The following SEC14L5 variants were observed in gnomAD, a reference collection of about 807,000 sequenced individuals.
SEC14L5 encodes SEC14 like lipid binding 5.
A neutral mutation model predicts 84.6 loss-of-function variants in SEC14L5; 96 were observed. The observed-to-expected ratio is 1.13, with a 90% CI of 0.96 to 1.34. The LOEUF (loss-of-function observed/expected upper bound fraction) is 1.34. Ranked by LOEUF, SEC14L5 falls within the 40% of genes most tolerant of loss-of-function variation. The pLI is 0.00. For synonymous variants in SEC14L5, 546 were observed against 383.4 expected, an observed-to-expected ratio of 1.42 and a Z score of -4.95; for missense variants, 1,224 against 942.5, an observed-to-expected ratio of 1.30 and a Z score of -3.91.
rs184578578 is a variant in SEC14L5, at chr16:4,962,459, G to A, written c.63+3073G>A. Reference sequence around the variant, plus strand: ...TCCCAACACTTTGGGAGGCTAAGGCGGGCGGACCACCTCAGGTCAGGAGTT... The same window carrying A: ...TCCCAACACTTTGGGAGGCTAAGGCAGGCGGACCACCTCAGGTCAGGAGTT... On this transcript the variant is annotated intron_variant, in intron 2 of 15. Transcript: ENST00000251170. Among the ~76,000 whole-genome samples, 100 of 152,176 alleles carry A rather than the reference G, an allele frequency of 6.6e-4. 1 individual carries two copies. Among genetic ancestry groups the A allele is most frequent in the African/African-American group, 2.4e-3 (99 of 41,546 alleles).
intron 10 of SEC14L5, among the ~76,000 whole-genome samples, chr16:5,003,067 C>T (rs1381037808): frequency 6.6e-6 from 1 of 152,244 alleles, no homozygotes; most frequent in Non-Finnish European, 1.5e-5. Context: ...TGTGCCCGTC[C>T]TTGCAGAGAG....
In SEC14L5 at chr16:4,996,967, A is replaced by T; in HGVS notation, c.893A>T (p.Asp298Val). ...AGCTGGCGCAAGCAGCACCAGGTGG[A>T]TCTCCTCCTTCAGACCTGGCAACCC... ...SLSWRKQHQV[D>V]LLLQTWQPPA... The change falls in exon 8 of 16, where the codon GAT (aspartate) becomes GTT (valine). Residue 298 changes from aspartate (D) to valine (V), a missense_variant. Coordinates refer to ENST00000251170, the MANE Select transcript of SEC14L5 (RefSeq NM_014692.2). The T allele has an allele frequency of 6.2e-7, 1 of 1,613,460 alleles. No homozygotes were observed. Among genetic ancestry groups the T allele is most frequent in the Non-Finnish European group, 8.5e-7 (1 of 1,179,698 alleles).
intron 2 of SEC14L5, among the ~76,000 whole-genome samples, chr16:4,968,043 G>C (rs907215079): frequency 1.4e-5 from 2 of 143,192 alleles, no homozygotes; most frequent in Admixed American, 7.2e-5. Context: ...TTTTGAGACA[G>C]GGGCTTGCTC....
intron 12 of SEC14L5, among the ~76,000 whole-genome samples, chr16:5,006,967 C>T (rs536874947): frequency 7.9e-5 from 12 of 152,122 alleles, no homozygotes; most frequent in East Asian, 5.8e-4. Flanking sequence ...CCGCCTGTGA[C>T]GGGGAGAGGC....
At chr16:4,985,264 C>T (rs924042489) in intron 2 of SEC14L5, among the ~76,000 whole-genome samples, 9 of 152,072 alleles carry the variant, frequency 5.9e-5, no homozygotes, top group Non-Finnish European at 1.3e-4. Context: ...TTGCTCTTGT[C>T]GCCCAGGCTG....
intron 11 of SEC14L5, among the ~76,000 whole-genome samples, chr16:5,005,494 G>T (rs1455390170): frequency 6.6e-6 from 1 of 151,994 alleles, no homozygotes; most frequent in Non-Finnish European, 1.5e-5. Flanking sequence ...AAGCTAGTGA[G>T]TGCACTGAAA....
chr16:4,983,790 T>A (rs1955454909), intron 2 of SEC14L5, among the ~76,000 whole-genome samples: 1 of 151,758 alleles, frequency 6.6e-6, no homozygotes, highest in Non-Finnish European at 1.5e-5. Flanking sequence ...GGCAGGAGAA[T>A]CGCTTGAACC....
Position 4,959,359 on chromosome 16 carries a change from C to G in SEC14L5, c.36C>G (p.Tyr12Ter). 4 of 1,613,912 alleles carry G rather than the reference C, an allele frequency of 2.5e-6. No individual in the cohort carries two copies. The highest frequency in any genetic ancestry group is 3.4e-6 in the Non-Finnish European group (4 of 1,179,826). ...VQRYQSPVRV[Y>*]KYPFELVMAA... ...GATACCAGTCTCCTGTCCGAGTCTACAAGTACCCGTTTGAGCTGGTCATGG... is the reference window on the plus strand; with the variant it reads ...GATACCAGTCTCCTGTCCGAGTCTAGAAGTACCCGTTTGAGCTGGTCATGG... Residue 12 changes from tyrosine to a stop codon, truncating the protein, a stop_gained, in exon 2 of 16, where the codon TAC becomes TAG. Transcript: ENST00000251170. LOFTEE classifies it high-confidence loss of function.
At chr16:4,969,973 A>T (rs1955255034) in intron 2 of SEC14L5, among the ~76,000 whole-genome samples, 1 of 152,002 alleles carries the variant, frequency 6.6e-6, no homozygotes. Context: ...ACACACAACC[A>T]TGCTAGGCTA....
chr16:4,965,352 T>C (rs1020090105), intron 2 of SEC14L5, among the ~76,000 whole-genome samples: 1 of 152,174 alleles, frequency 6.6e-6, no homozygotes, highest in Non-Finnish European at 1.5e-5. Context: ...TGTATGAACA[T>C]ATTCTTTCCA....
chr16:4,980,689 C>T (rs941909482), intron 2 of SEC14L5, among the ~76,000 whole-genome samples: 95 of 152,086 alleles, frequency 6.2e-4, no homozygotes, highest in East Asian at 5.8e-4. Flanking sequence ...TTACAAGGCA[C>T]GATAAACGCT....
chr16:5,000,738 C>A lies in SEC14L5; in HGVS notation c.1054C>A (p.Arg352=). 6.4e-7 allele frequency: 1 copy of A among 1,552,832 alleles called. No individual in the cohort carries two copies. The highest frequency in any genetic ancestry group is 8.7e-7 in the Non-Finnish European group (1 of 1,147,882). ...MKAVGEEALL[R]HVLSVNEEGQ... is the part of the protein sequence containing the mutation. ...GGCCGTGGGGGAGGAGGCGCTGCTG[C>A]GGCATGTGAGTCAGGGGCCTCGTTC... Residue 352 remains arginine, a synonymous_variant, in exon 9 of 16, where the codon CGG becomes AGG. Coordinates refer to ENST00000251170, the MANE Select transcript of SEC14L5 (RefSeq NM_014692.2).
intron 2 of SEC14L5, among the ~76,000 whole-genome samples, chr16:4,970,894 G>C (rs1339976056): frequency 6.6e-6 from 1 of 152,178 alleles, no homozygotes; most frequent in South Asian, 2.1e-4. Flanking sequence ...TGGATCACGA[G>C]GTCAGGACTT....
At chr16:5,007,102 G>A (rs1442865404) in intron 12 of SEC14L5, among the ~76,000 whole-genome samples, 1 of 152,166 alleles carries the variant, frequency 6.6e-6, no homozygotes, top group African/African-American at 2.4e-5. Context: ...CTCACTTTCT[G>A]CTGTGTGATC....
At chr16:4,961,052 A>G (rs1255886466) in intron 2 of SEC14L5, among the ~76,000 whole-genome samples, 2 of 152,136 alleles carry the variant, frequency 1.3e-5, no homozygotes, top group African/African-American at 2.4e-5. Flanking sequence ...TGGGTGGATC[A>G]CAAGGTCAGG....
intron 15 of SEC14L5, among the ~76,000 whole-genome samples, chr16:5,011,915 C>T (rs993253737): frequency 6.6e-6 from 1 of 152,212 alleles, no homozygotes; most frequent in African/African-American, 2.4e-5. Context: ...CAGGCAGTTT[C>T]TTCAAGGTTT....
rs1246232195 is a variant in SEC14L5 at position 5,003,555 on chromosome 16, C to G, written c.1284C>G (p.Phe428Leu). 1 of 1,533,064 alleles carries G rather than the reference C, an allele frequency of 6.5e-7. No individual in the cohort carries two copies. Among genetic ancestry groups the G allele is most frequent in the Non-Finnish European group, 8.8e-7 (1 of 1,131,604 alleles). 95.0% of individuals were successfully genotyped at this position (1,533,064 alleles called of 1,614,324 possible). ...TCATCGTGCGAGCCCCCCGAGTCTT[C>G]CCCGTGCTCTGGACACTGGTAAGAG... Reference protein sequence around the residue: ...RLLIVRAPRVFPVLWTLISPF... With the variant: ...RLLIVRAPRVLPVLWTLISPF... Residue 428 changes from phenylalanine to leucine, a missense_variant, in exon 11 of 16, where the codon TTC becomes TTG. Transcript: ENST00000251170.
intron 2 of SEC14L5, among the ~76,000 whole-genome samples, chr16:4,960,932 G>C (rs1340203445): frequency 1.3e-5 from 2 of 152,074 alleles, no homozygotes; most frequent in African/African-American, 4.8e-5. Flanking sequence ...GATGCTTTAG[G>C]GTTCTGCTGT....
At position 5,005,967 on chromosome 16, in the gene SEC14L5, C is replaced by A; in HGVS notation, c.1356C>A (p.Gly452=). The A allele has an allele frequency of 6.2e-7, 1 of 1,612,826 alleles. No individual in the cohort carries two copies. The highest frequency in any genetic ancestry group is 8.5e-7 in the Non-Finnish European group (1 of 1,179,470). The change falls in exon 12 of 16, where the codon GGC becomes GGA. Residue 452 remains glycine (G), a synonymous_variant. Transcript: ENST00000251170. ...NTRRKFLIYS[G]SNYQGPGGLV... ...GGCGGAAGTTCCTCATCTACAGTGG[C>A]AGCAACTACCAGGGACCCGGAGGCC...
Sources: gnomAD v4.1 joint callset for allele counts (sites outside exome capture counted in the v4.1 genomes callset) on GRCh38, gnomAD v4.1.1 for gene constraint, MANE v1.5 for transcripts, NCBI Gene and HGNC (gene_info 2026-07-23, HGNC 2026-07-21) for gene names.